Variants in CCDC201 observed in about 807,000 individuals in gnomAD.
The protein encoded by CCDC201 is coiled-coil domain containing 201.
chr7:45,874,702 G>A (rs1786779322), upstream of CCDC201, among the ~76,000 whole-genome samples: 2 of 152,216 alleles, frequency 1.3e-5, no homozygotes, highest in Non-Finnish European at 2.9e-5. Context: ...TTGTCAGAGA[G>A]CCATCCCAAC....
At chr7:45,861,138 A>G (rs1786594761) in exon 3 of CCDC201, 1 of 152,236 alleles carries the variant, frequency 6.6e-6, no homozygotes, top group Admixed American at 6.5e-5. Flanking sequence ...AAACATAACT[A>G]CATGCCTGAA....
At chr7:45,865,724 G>C (rs1287541937) in intron 2 of CCDC201, among the ~76,000 whole-genome samples, 1 of 152,220 alleles carries the variant, frequency 6.6e-6, no homozygotes, top group East Asian at 1.9e-4. Flanking sequence ...CTGGATGCCA[G>C]ACCATGAGGC....
At chr7:45,865,293 G>T (rs960569312) in intron 2 of CCDC201, among the ~76,000 whole-genome samples, 11 of 152,200 alleles carry the variant, frequency 7.2e-5, no homozygotes, top group African/African-American at 2.7e-4. Flanking sequence ...TCTCCAATTA[G>T]CAAAGGAAGA....
chr7:45,871,137 C>T (rs1319760130), intron 1 of CCDC201, among the ~76,000 whole-genome samples: 1 of 152,080 alleles, frequency 6.6e-6, no homozygotes, highest in Non-Finnish European at 1.5e-5. Context: ...GTATGTTTTA[C>T]AAATGTATGC....
intron 1 of CCDC201, among the ~76,000 whole-genome samples, chr7:45,867,489 C>G (rs1031178342): frequency 7.2e-5 from 11 of 152,176 alleles, no homozygotes; most frequent in African/African-American, 2.7e-4. Flanking sequence ...AAAACTGGAA[C>G]TTTTCTAAAA....
At chr7:45,881,983 C>T in the CCDC201 span, among the ~76,000 whole-genome samples, 1 of 152,176 alleles carries the variant, frequency 6.6e-6, no homozygotes, top group Admixed American at 6.5e-5. Flanking sequence ...GAGATAAGGG[C>T]AGCACGTCGG....
chr7:45,871,407 A>C (rs1476136979), intron 1 of CCDC201, among the ~76,000 whole-genome samples: 1 of 152,208 alleles, frequency 6.6e-6, no homozygotes, highest in East Asian at 1.9e-4. Flanking sequence ...AATCTGAAAC[A>C]AAGTCGGGTT....
At chr7:45,876,380 A>G (rs574924546), upstream of CCDC201, among the ~76,000 whole-genome samples, 17 of 152,298 alleles carry the variant, frequency 1.1e-4, no homozygotes, top group Non-Finnish European at 1.8e-4. Context: ...CCATTTGCCA[A>G]TGGGAAAACT....
the CCDC201 span, among the ~76,000 whole-genome samples, chr7:45,884,847 C>G: frequency 3.3e-5 from 5 of 152,172 alleles, no homozygotes; most frequent in Admixed American, 2.0e-4. Flanking sequence ...GGGGGCAAGA[C>G]TGTGGCTCAG....
At chr7:45,878,343 C>T in the CCDC201 span, among the ~76,000 whole-genome samples, 1 of 152,236 alleles carries the variant, frequency 6.6e-6, no homozygotes, top group Non-Finnish European at 1.5e-5. Flanking sequence ...TGTGTGGGGT[C>T]TTCAGCCCCA....
chr7:45,867,444 C>A (rs1244775973), intron 1 of CCDC201, among the ~76,000 whole-genome samples: 1 of 152,158 alleles, frequency 6.6e-6, no homozygotes, highest in African/African-American at 2.4e-5. Flanking sequence ...CATCCTAAAT[C>A]AATTAAGGAA....
intron 1 of CCDC201, among the ~76,000 whole-genome samples, chr7:45,866,811 A>G (rs1017680594): frequency 6.6e-6 from 1 of 152,232 alleles, no homozygotes; most frequent in African/African-American, 2.4e-5. Flanking sequence ...TCAGGTAACC[A>G]TATTTTTCCA....
chr7:45,870,686 GA>G (rs947042889), intron 1 of CCDC201, among the ~76,000 whole-genome samples: 2 of 151,368 alleles, frequency 1.3e-5, no homozygotes, highest in Non-Finnish European at 2.9e-5. Flanking sequence ...GAACTCCTAG[GA>G]AAAAAATACA....
intron 2 of CCDC201, among the ~76,000 whole-genome samples, chr7:45,863,552 T>G (rs997079655): frequency 3.3e-5 from 5 of 152,098 alleles, no homozygotes; most frequent in Non-Finnish European, 7.3e-5. Flanking sequence ...GTAACTGTGC[T>G]CTCTAGAACC....
chr7:45,860,781 C>T (rs1186648238), exon 3 of CCDC201: 12 of 152,348 alleles, frequency 7.9e-5, no homozygotes, highest in Admixed American at 1.3e-4. Context: ...GGCAGCAAGA[C>T]TTGTTCTGTC....
rs533279407 is a variant in CCDC201, at chr7:45,871,834, C to T, written c.18+1156G>A. Among the ~76,000 whole-genome samples the T allele has an allele frequency of 1.5e-4, 23 of 152,256 alleles. No individual in the cohort carries two copies. In the South Asian group the frequency reaches 4.8e-3, roughly 32 times the overall value. The stretch of plus-strand genomic sequence containing the variant: ...TGCAGATCAAAATGAAACCAAATTC[C>T]CATTTGGTTTTATCTATCGGACTTC... On this transcript the variant is annotated intron_variant, in intron 1 of 2. Transcript: ENST00000636578.
At chr7:45,861,196 GTTTATT>G (rs919856022) in exon 3 of CCDC201, 1 of 152,062 alleles carries the variant, frequency 6.6e-6, no homozygotes, top group Non-Finnish European at 1.5e-5. Flanking sequence ...CATGAAAACA[GTTTATT>G]TTTAATAGTA....
chr7:45,878,204 G>T, the CCDC201 span, among the ~76,000 whole-genome samples: 1 of 152,200 alleles, frequency 6.6e-6, no homozygotes, highest in East Asian at 1.9e-4. Context: ...TCTTTCAGAG[G>T]CTGGCATTGA....
At chr7:45,873,468 C>A (rs565020051), upstream of CCDC201, among the ~76,000 whole-genome samples, 1 of 152,070 alleles carries the variant, frequency 6.6e-6, no homozygotes, top group South Asian at 2.1e-4. Context: ...GCAGAAGACT[C>A]CTTACCAGTC....
Sources: allele counts gnomAD v4.1 joint callset (sites outside exome capture counted in the v4.1 genomes callset), GRCh38; gene constraint gnomAD v4.1.1; transcripts MANE v1.5; gene names NCBI Gene and HGNC (gene_info 2026-07-23, HGNC 2026-07-21).